The following REL variants were observed in gnomAD, a reference collection of about 807,000 sequenced individuals.
REL encodes the protein proto-oncogene c-Rel.
REL carries 15 observed loss-of-function variants against 45.9 expected under a neutral mutation model. The observed-to-expected ratio is 0.33, with a 90% CI of 0.22 to 0.50. The LOEUF is 0.50. REL is among the 20% of genes least tolerant of loss of function. The probability of loss-of-function intolerance (pLI) is 0.98; values close to 1 mark genes in which losing one functional copy is unlikely to be tolerated. For missense variants in REL, 601 were observed against 715.2 expected (o/e 0.84, Z 1.82); for synonymous variants, 239 against 242.1 (o/e 0.99, Z 0.12).
chr2:60,895,025 T>A (rs1330984612), intron 3 of REL, among the ~76,000 whole-genome samples: 1 of 150,462 alleles, frequency 6.6e-6, no homozygotes, highest in Non-Finnish European at 1.5e-5. Context: ...CCTGGCTAAT[T>A]TTTTTGTATT....
intron 4 of REL, among the ~76,000 whole-genome samples, chr2:60,914,874 C>A (rs1487597746): frequency 1.4e-5 from 2 of 147,120 alleles, no homozygotes; most frequent in Non-Finnish European, 3.0e-5. Context: ...TGCTCTGTCG[C>A]CCAGGCTGGA....
At chr2:60,885,271 A>G (rs1673042904) in intron 1 of REL, among the ~76,000 whole-genome samples, 1 of 152,166 alleles carries the variant, frequency 6.6e-6, no homozygotes, top group Non-Finnish European at 1.5e-5. Flanking sequence ...ATGGGATAAA[A>G]TTGTTTTTCT....
In REL at chr2:60,917,530, G is replaced by GTTT. The variant is rs758484837; in HGVS notation, c.535+527_535+529dup. Among the ~76,000 whole-genome samples, 334 of 128,734 alleles carry GTTT rather than the reference G, an allele frequency of 2.6e-3. 8 individuals are homozygous for GTTT. The highest frequency in any genetic ancestry group is 9.2e-3 in the African/African-American group (314 of 34,230). The allele number at this position is 128,734 out of a possible 152,430, so 84.5% of individuals were successfully genotyped here. A position where few individuals can be genotyped will look rare whatever the true frequency, so the allele number is the denominator to read the frequency against. On this transcript the variant is annotated intron_variant, in intron 5 of 9. Coordinates refer to ENST00000394479, the MANE Select transcript of REL (RefSeq NM_001291746.2). The stretch of plus-strand genomic sequence containing the variant: ...TATTCTTGTATATTTTTTTTTATTG[G>GTTT]TTTTTTTTTTTTTTTTGGAGACAGG...
chr2:60,922,823 C>G lies in REL; in HGVS notation c.*288C>G. The G allele has an allele frequency of 1.4e-6, 1 of 715,430 alleles. No homozygotes were observed. Among genetic ancestry groups the G allele is most frequent in the East Asian group, 8.5e-5 (1 of 11,704 alleles). The allele number at this position is 715,430 out of a possible 1,614,324, so 44.3% of individuals were successfully genotyped here. On this transcript the variant is annotated 3_prime_UTR_variant, in exon 10 of 10. Transcript: ENST00000394479. ...CTTTGGGAGGCCAAGGCGGGTGGAT[C>G]ACTTGAGACCAGGAATTCGAGACCA...
At chr2:60,917,465 C>T (rs932171294) in intron 5 of REL, among the ~76,000 whole-genome samples, 3 of 151,042 alleles carry the variant, frequency 2.0e-5, no homozygotes, top group Non-Finnish European at 4.4e-5. Flanking sequence ...TTTCTTTTCT[C>T]ATTTTTTCTT....
At chr2:60,901,318 C>T (rs534277565) in intron 4 of REL, among the ~76,000 whole-genome samples, 1 of 151,884 alleles carries the variant, frequency 6.6e-6, no homozygotes, top group African/African-American at 2.4e-5. Flanking sequence ...CCCACCATCA[C>T]ACCCAGCTAA....
chr2:60,906,911 A>ATTTTT (rs1285004419), intron 4 of REL, among the ~76,000 whole-genome samples: 14 of 108,982 alleles, frequency 1.3e-4, no homozygotes, highest in Middle Eastern at 5.9e-3. Context: ...ATATATATAT[A>ATTTTT]TATTTTTTTT....
chr2:60,888,837 C>T (rs915215735), intron 1 of REL, among the ~76,000 whole-genome samples: 4 of 152,238 alleles, frequency 2.6e-5, no homozygotes, highest in African/African-American at 7.2e-5. Context: ...ACTGTTCAGG[C>T]ACCAGGTGCT....
At chr2:60,882,213 G>C (rs1465135142) in intron 1 of REL, among the ~76,000 whole-genome samples, 1 of 152,154 alleles carries the variant, frequency 6.6e-6, no homozygotes, top group Non-Finnish European at 1.5e-5. Context: ...GGAACCTTCA[G>C]ACCTCGGGCA....
intron 3 of REL, among the ~76,000 whole-genome samples, chr2:60,896,370 A>T (rs1014804372): frequency 6.6e-6 from 1 of 152,206 alleles, no homozygotes; most frequent in Non-Finnish European, 1.5e-5. Flanking sequence ...AGATAAATTT[A>T]TACATATACA....
At chr2:60,913,833 A>G (rs992505389) in intron 4 of REL, among the ~76,000 whole-genome samples, 18 of 152,180 alleles carry the variant, frequency 1.2e-4, no homozygotes, top group African/African-American at 4.1e-4. Flanking sequence ...GAATTGGTCC[A>G]GTTTACAGAT....
chr2:60,901,042 C>A lies in REL; in HGVS notation c.353C>A (p.Ala118Asp). ...RCVKKKEVKEAIITRIKAGIN... is the reference protein window; with the variant it reads ...RCVKKKEVKEDIITRIKAGIN... Reference sequence around the variant, plus strand: ...GTGAAGAAAAAAGAAGTAAAAGAAGCTATTATTACAAGAATAAAGGCAGGA... The same window carrying A: ...GTGAAGAAAAAAGAAGTAAAAGAAGATATTATTACAAGAATAAAGGCAGGA... Residue 118 changes from alanine to aspartate, a missense_variant, in exon 4 of 10, where the codon GCT (alanine) becomes GAT (aspartate). Coordinates refer to ENST00000394479, the MANE Select transcript of REL (RefSeq NM_001291746.2). 1 of 1,608,294 alleles carries A rather than the reference C, an allele frequency of 6.2e-7. No individual in the cohort carries two copies. The highest frequency in any genetic ancestry group is 1.7e-5 in the Admixed American group (1 of 59,166).
chr2:60,897,202 A>G (rs1213881739), intron 3 of REL, among the ~76,000 whole-genome samples: 3 of 152,132 alleles, frequency 2.0e-5, no homozygotes, highest in Non-Finnish European at 4.4e-5. Context: ...AAGCCTCTTC[A>G]AACTGTCTCC....
At chr2:60,908,877 G>A (rs1000056584) in intron 4 of REL, among the ~76,000 whole-genome samples, 25 of 152,116 alleles carry the variant, frequency 1.6e-4, no homozygotes, top group Non-Finnish European at 1.9e-4. Context: ...TAGTCTGAAA[G>A]GGAATACAGT....
Position 60,887,273 on chromosome 2 carries a change from A to G in REL, c.11-4410A>G, listed in dbSNP as rs537180818. 2.0e-5 allele frequency among the ~76,000 whole-genome samples: 3 copies of G among 152,336 alleles called. No individual in the cohort carries two copies. In the South Asian group the frequency reaches 6.2e-4, roughly 32 times the overall value. Reference sequence around the variant, plus strand: ...CAGATAAATCAAAATAGGAATGAGTATGAGGAAATACTGAGGTGTAGCAAT... The same window carrying G: ...CAGATAAATCAAAATAGGAATGAGTGTGAGGAAATACTGAGGTGTAGCAAT... On this transcript the variant is annotated intron_variant, in intron 1 of 9. Coordinates refer to ENST00000394479, the MANE Select transcript of REL (RefSeq NM_001291746.2).
intron 1 of REL, among the ~76,000 whole-genome samples, chr2:60,887,441 T>G (rs1230088020): frequency 1.3e-5 from 2 of 152,058 alleles, no homozygotes; most frequent in East Asian, 3.9e-4. Flanking sequence ...ATTCATTCAA[T>G]AGATGTTTAA....
chr2:60,902,943 T>A (rs1229918835), intron 4 of REL, among the ~76,000 whole-genome samples: 1 of 152,214 alleles, frequency 6.6e-6, no homozygotes, highest in Non-Finnish European at 1.5e-5. Flanking sequence ...TTTTAAAAGC[T>A]CCACTGAATA....
intron 1 of REL, among the ~76,000 whole-genome samples, chr2:60,889,783 CT>C (rs1424851926): frequency 4.6e-5 from 7 of 152,080 alleles, no homozygotes; most frequent in Non-Finnish European, 8.8e-5. Context: ...TGAGCTTATC[CT>C]TTTTTATGGC....
intron 9 of REL, 80 bp downstream of exon 9, chr2:60,920,722 G>A: frequency 1.2e-6 from 1 of 867,544 alleles, no homozygotes; most frequent in Non-Finnish European, 1.8e-6. Context: ...CTATTTTTAG[G>A]AATGAATAAC....
Sources: allele counts gnomAD v4.1 joint callset (sites outside exome capture counted in the v4.1 genomes callset), GRCh38; gene constraint gnomAD v4.1.1; transcripts MANE v1.5; gene names NCBI Gene and HGNC (gene_info 2026-07-23, HGNC 2026-07-21).